The following NKIRAS1 variants were observed in gnomAD, a reference collection of about 807,000 sequenced individuals.
NKIRAS1 encodes the protein NF-kappa-B inhibitor-interacting Ras-like protein 1.
A neutral mutation model predicts 19.8 loss-of-function variants in NKIRAS1; 16 were observed. That is an observed-to-expected ratio of 0.81 (90% CI 0.55 to 1.23). The LOEUF (loss-of-function observed/expected upper bound fraction) is 1.23, where lower values mean the gene tolerates loss of function less well. Ranked by LOEUF, NKIRAS1 falls within the 50% of genes most tolerant of loss-of-function variation. NKIRAS1 has a pLI of 0.00. For synonymous variants in NKIRAS1, 88 were observed against 79.0 expected, an observed-to-expected ratio of 1.11 and a Z score of -0.61; for missense variants, 184 against 220.0, an observed-to-expected ratio of 0.84 and a Z score of 1.04.
At chr3:23,940,428 TA>T (rs1705472801) in intron 1 of NKIRAS1, among the ~76,000 whole-genome samples, 1 of 152,152 alleles carries the variant, frequency 6.6e-6, no homozygotes, top group South Asian at 2.1e-4. Flanking sequence ...GGGCTGTATT[TA>T]ACTTTAACCA....
At chr3:23,901,856 T>G (rs1222163133) in intron 3 of NKIRAS1, among the ~76,000 whole-genome samples, 4 of 152,280 alleles carry the variant, frequency 2.6e-5, no homozygotes, top group Middle Eastern at 3.4e-3. Flanking sequence ...GCAGATCACC[T>G]GAGGTCAGGA....
At position 23,890,720 on chromosome 3, in the gene NKIRAS1, G is replaced by C; in HGVS notation, c.*2375C>G. 1.1e-6 allele frequency: 1 copy of C among 879,140 alleles called. No individual in the cohort carries two copies. The highest frequency in any genetic ancestry group is 3.0e-5 in the East Asian group (1 of 33,420). The allele number at this position is 879,140 out of a possible 1,614,324, so 54.5% of individuals were successfully genotyped here. ...TAAAGAGTAGGGTATTTCTATAACA[G>C]ATATTATTCAGTCTTATTTCCTAAG... On this transcript the variant is annotated 3_prime_UTR_variant, in exon 5 of 5. Transcript: ENST00000425478.
Position 23,893,264 on chromosome 3 carries a change from T to C in NKIRAS1, c.410A>G (p.Gln137Arg). ...TCTTACTTTCTCACTTTTTGCCCAC[T>C]GCTGTGCCACTTCAGCGTCCACTTG... ...QRQVDAEVAQ[Q>R]WAKSEKVRLW... Residue 137 changes from glutamine (Q) to arginine (R), a missense_variant, in exon 5 of 5, where the codon CAG (glutamine) becomes CGG (arginine). Physicochemically the swap from Gln to Arg is conservative, Grantham distance 43. Transcript: ENST00000425478. 1.2e-6 allele frequency: 2 copies of C among 1,614,174 alleles called. No homozygotes were observed. The highest frequency in any genetic ancestry group is 8.5e-7 in the Non-Finnish European group (1 of 1,179,998).
At chr3:23,932,904 T>A (rs1705341709) in intron 1 of NKIRAS1, among the ~76,000 whole-genome samples, 1 of 152,068 alleles carries the variant, frequency 6.6e-6, no homozygotes. Flanking sequence ...GGAGGCAGAA[T>A]AATGGCCCCT....
rs1701525691 is a variant in NKIRAS1, at chr3:23,892,284, AATATTTTTGATACTTTT to A, written c.*794_*810del. ...TCTAAGTCAGATCAAATTAGAGCCCAATATTTTTGATACTTTTATTGTATATGACTAGTTTTCTAGAA... is the reference window on the plus strand; with the variant it reads ...TCTAAGTCAGATCAAATTAGAGCCCAATTGTATATGACTAGTTTTCTAGAA... On this transcript the variant is annotated 3_prime_UTR_variant, in exon 5 of 5. Transcript: ENST00000425478. 6.6e-6 allele frequency: 1 copy of A among 152,218 alleles called. No individual in the cohort carries two copies. Among genetic ancestry groups the A allele is most frequent in the Non-Finnish European group, 1.5e-5 (1 of 68,034 alleles). 9.4% of individuals were successfully genotyped at this position (152,218 alleles called of 1,614,324 possible).
At chr3:23,902,261 C>T (rs943617209) in intron 3 of NKIRAS1, among the ~76,000 whole-genome samples, 4 of 151,612 alleles carry the variant, frequency 2.6e-5, no homozygotes, top group Admixed American at 6.6e-5. Context: ...ATGAAATGTC[C>T]GTTAAGTATT....
In NKIRAS1 at chr3:23,926,839, A is replaced by T. The variant is rs1394346978; in HGVS notation, c.-139-15389T>A. Among the ~76,000 whole-genome samples, 1 of 152,184 alleles carries T rather than the reference A, an allele frequency of 6.6e-6. No homozygotes were observed. Among genetic ancestry groups the T allele is most frequent in the Non-Finnish European group, 1.5e-5 (1 of 68,016 alleles). On this transcript the variant is annotated intron_variant, in intron 1 of 4. Transcript: ENST00000421515. The surrounding 1 kb of genome is among the most constrained non-coding windows in gnomAD (Gnocchi z 4.3). ...TTTGCCAAACTGTTGGACCTTTGAAATCAGTTTTATAAATATTCATCATTC... is the reference window on the plus strand; with the variant it reads ...TTTGCCAAACTGTTGGACCTTTGAATTCAGTTTTATAAATATTCATCATTC...
At chr3:23,932,093 T>A (rs1479096071) in intron 1 of NKIRAS1, among the ~76,000 whole-genome samples, 1 of 152,082 alleles carries the variant, frequency 6.6e-6, no homozygotes, top group Admixed American at 6.5e-5. Context: ...TCCAATGAGA[T>A]GTATATAATT....
intron 1 of NKIRAS1, among the ~76,000 whole-genome samples, chr3:23,945,832 C>G (rs948267211): frequency 4.0e-5 from 6 of 150,754 alleles, no homozygotes; most frequent in Admixed American, 6.6e-5. Flanking sequence ...CCGGCCCCCC[C>G]CTCACATGGC....
intron 1 of NKIRAS1, among the ~76,000 whole-genome samples, chr3:23,937,997 T>C (rs1175833059): frequency 2.6e-5 from 4 of 152,178 alleles, no homozygotes; most frequent in Non-Finnish European, 5.9e-5. Flanking sequence ...TGGGTCTATA[T>C]CTGAAATATC....
intron 1 of NKIRAS1, chr3:23,945,616 G>T (rs1245135094): frequency 8.5e-7 from 1 of 1,177,100 alleles, no homozygotes. Context: ...ACTGCGGCGG[G>T]TGGGGGATGG....
rs2125264311 is a variant in NKIRAS1, at chr3:23,926,962, T to A, written c.-139-15512A>T. Among the ~76,000 whole-genome samples the A allele has an allele frequency of 6.6e-6, 1 of 152,238 alleles. No homozygotes were observed. The highest frequency in any genetic ancestry group is 2.1e-4 in the South Asian group (1 of 4,826). ...GCACCAACAAGCTACACTTTGACCA[T>A]CAGCTGCCCCAAACAGGATGAAATC... is the stretch of plus-strand genomic sequence containing the variant. On this transcript the variant is annotated intron_variant, in intron 1 of 4. Transcript: ENST00000421515. The surrounding 1 kb of genome is among the most constrained non-coding windows in gnomAD (Gnocchi z 4.3).
chr3:23,891,097 AGAGAT>A lies in NKIRAS1; in HGVS notation c.*1993_*1997del, dbSNP rs1421821228. 8 of 152,898 alleles carry A rather than the reference AGAGAT, an allele frequency of 5.2e-5. No individual in the cohort carries two copies. Among genetic ancestry groups the A allele is most frequent in the African/African-American group, 1.9e-4 (8 of 41,596 alleles). The allele number at this position is 152,898 out of a possible 1,614,324, so 9.5% of individuals were successfully genotyped here. A position where few individuals can be genotyped will look rare whatever the true frequency, so the allele number is the denominator to read the frequency against. ...ACACGTGGCTATAAAACACCATATA[AGAGAT>A]GAGTAGTGCGTTTTATTTTATATGC... is the stretch of plus-strand genomic sequence containing the variant. On this transcript the variant is annotated 3_prime_UTR_variant, in exon 5 of 5. Transcript: ENST00000425478.
At chr3:23,921,232 G>C (rs938285046), upstream of NKIRAS1, among the ~76,000 whole-genome samples, 1 of 152,148 alleles carries the variant, frequency 6.6e-6, no homozygotes, top group Non-Finnish European at 1.5e-5. Context: ...TCCTGTCCTT[G>C]CTACCCAACA....
intron 1 of NKIRAS1, among the ~76,000 whole-genome samples, chr3:23,935,091 G>A (rs1705370785): frequency 6.6e-6 from 1 of 151,936 alleles, no homozygotes; most frequent in Admixed American, 6.6e-5. Context: ...TTGCTATGCT[G>A]CCCAGGCTGG....
At chr3:23,933,902 T>C (rs1197794350) in intron 1 of NKIRAS1, among the ~76,000 whole-genome samples, 3 of 152,208 alleles carry the variant, frequency 2.0e-5, no homozygotes, top group Non-Finnish European at 4.4e-5. Flanking sequence ...CCTTGGCTGC[T>C]GCATTCTCAT....
At chr3:23,915,598 T>C (rs1045053373) in intron 1 of NKIRAS1, among the ~76,000 whole-genome samples, 2 of 152,202 alleles carry the variant, frequency 1.3e-5, no homozygotes, top group Non-Finnish European at 2.9e-5. Context: ...TATGAAGTCA[T>C]CCTTCTGTTC....
At chr3:23,916,182 G>A (rs1314124864) in intron 1 of NKIRAS1, 1 of 152,114 alleles carries the variant, frequency 6.6e-6, no homozygotes, top group African/African-American at 2.4e-5. Context: ...AAGAGATAAT[G>A]ATTCTCTTAA....
chr3:23,921,670 G>C (rs1379876725), upstream of NKIRAS1: 1 of 677,464 alleles, frequency 1.5e-6, no homozygotes, highest in Non-Finnish European at 2.7e-6. Context: ...TGTCTCCCGG[G>C]TTTGAGCAAT....
Sources: gnomAD v4.1 joint callset for allele counts (sites outside exome capture counted in the v4.1 genomes callset) on GRCh38, gnomAD v4.1.1 for gene constraint, Gnocchi (gnomAD v3.1) non-coding constraint, MANE v1.5 for transcripts, NCBI Gene and HGNC (gene_info 2026-07-23, HGNC 2026-07-21) for gene names.